The following PPL variants were observed in gnomAD, a reference collection of about 807,000 sequenced individuals.
PPL encodes periplakin.
PPL carries 198 observed loss-of-function variants against 194.4 expected under a neutral mutation model. That is an observed-to-expected ratio of 1.02 (90% CI 0.91 to 1.15). PPL has a LOEUF of 1.15. PPL is among the 50% of genes most tolerant of loss of function. The probability of loss-of-function intolerance (pLI) is 0.00; values close to 1 mark genes in which losing one functional copy is unlikely to be tolerated. For missense variants in PPL, 2,885 were observed against 2,294.8 expected, an observed-to-expected ratio of 1.26 and a Z score of -5.25; for synonymous variants, 1,220 against 972.4, an observed-to-expected ratio of 1.25 and a Z score of -4.74.
At chr16:4,895,000 A>T (rs1280299678) in intron 11 of PPL, among the ~76,000 whole-genome samples, 1 of 152,202 alleles carries the variant, frequency 6.6e-6, no homozygotes, top group Admixed American at 6.5e-5. Flanking sequence ...CACGTGACTC[A>T]CAGTGAGCCA....
At position 4,936,880 on chromosome 16, in the gene PPL, G is replaced by A. The variant is rs1019670291; in HGVS notation, c.62+104C>T. The A allele has an allele frequency of 1.2e-5, 14 of 1,189,260 alleles. No individual in the cohort carries two copies. The East Asian group carries it at 1.6e-4, about 13-fold the overall frequency. 73.7% of individuals were successfully genotyped at this position (1,189,260 alleles called of 1,614,324 possible). A position where few individuals can be genotyped will look rare whatever the true frequency, so the allele number is the denominator to read the frequency against. ...CTCCGGGTTCAGTTCCCGGTTCCTG[G>A]ACCCCCGTACCCCCCATTCCTACAC... is the stretch of plus-strand genomic sequence containing the variant. On this transcript the variant is annotated intron_variant, in intron 1 of 21. Coordinates refer to ENST00000345988, the MANE Select transcript of PPL (RefSeq NM_002705.5).
chr16:4,889,256 T>G (rs1218995828), intron 18 of PPL, among the ~76,000 whole-genome samples, 195 bp from the exon 19 acceptor site: 6 of 124,450 alleles, frequency 4.8e-5, no homozygotes, highest in Admixed American at 8.3e-5. Flanking sequence ...TTTTTTTTTT[T>G]TTTTTTTTTT....
chr16:4,888,328 G>C (rs963343656), intron 19 of PPL, 110 bp from the exon 20 acceptor site: 1 of 743,916 alleles, frequency 1.3e-6, no homozygotes, highest in African/African-American at 1.7e-5. Flanking sequence ...CCATGTGCTG[G>C]TTTTATAATC....
At position 4,884,890 on chromosome 16, in the gene PPL, G is replaced by A. The variant is rs775581780; in HGVS notation, c.3765C>T (p.Ile1255=). Residue 1255 remains isoleucine, a synonymous_variant, in exon 22 of 22, where the codon ATC becomes ATT. Transcript: ENST00000345988. This position sits in a 1 kb window ranked among gnomAD's most constrained non-coding sequence, Gnocchi z 5.7. ...TTTCGATCAGTCTGGTCTTGTCCACGATCTCCTCCCTGAGCCGCTGAAGCT... is the reference window on the plus strand; with the variant it reads ...TTTCGATCAGTCTGGTCTTGTCCACAATCTCCTCCCTGAGCCGCTGAAGCT... ...EKELQRLREE[I]VDKTRLIERC... is the part of the protein sequence containing the mutation. 13 of 1,613,978 alleles carry A rather than the reference G, an allele frequency of 8.1e-6. No individual in the cohort carries two copies. Among genetic ancestry groups the A allele is most frequent in the Non-Finnish European group, 2.5e-6 (3 of 1,180,024 alleles).
chr16:4,883,446 G>T lies in PPL; in HGVS notation c.5209C>A (p.Arg1737Ser), dbSNP rs768024930. ...SGRLTPAQYD[R>S]YVNKDMSIQE... ...ATGGACATATCCTTGTTGACATAGC[G>T]GTCATACTGAGCAGGGGTCAGCCTG... Residue 1737 changes from arginine to serine, a missense_variant, in exon 22 of 22, where the codon CGC becomes AGC. Transcript: ENST00000345988. This position sits in a 1 kb window ranked among gnomAD's most constrained non-coding sequence, Gnocchi z 4.8. 1.2e-6 allele frequency: 2 copies of T among 1,614,114 alleles called. No individual in the cohort carries two copies. Among genetic ancestry groups the T allele is most frequent in the Non-Finnish European group, 1.7e-6 (2 of 1,180,012 alleles).
intron 1 of PPL, among the ~76,000 whole-genome samples, chr16:4,911,358 C>T (rs2088817162): frequency 6.6e-6 from 1 of 152,012 alleles, no homozygotes; most frequent in African/African-American, 2.4e-5. Context: ...GATGGGGTTC[C>T]ACCATGTTGG....
chr16:4,883,916 C>A lies in PPL; in HGVS notation c.4739G>T (p.Arg1580Leu). Residue 1580 changes from arginine (R) to leucine (L), a missense_variant, in exon 22 of 22, where the codon CGA (arginine) becomes CTA (leucine). Arg to Leu is a moderately radical substitution (Grantham distance 102). Transcript: ENST00000345988. This position sits in a 1 kb window ranked among gnomAD's most constrained non-coding sequence, Gnocchi z 4.8. ...LERQNLQLET[R>L]RLQSEINMAA... ...CATGTTGATTTCCGATTGGAGCCTT[C>A]GGGTCTCCAGCTGCAGGTTTTGCCT... The A allele has an allele frequency of 6.2e-7, 1 of 1,613,948 alleles. No homozygotes were observed. Among genetic ancestry groups the A allele is most frequent in the South Asian group, 1.1e-5 (1 of 91,080 alleles).
Position 4,883,164 on chromosome 16 carries a change from A to G in PPL, c.*220T>C. 1.7e-6 allele frequency: 1 copy of G among 584,172 alleles called. No individual in the cohort carries two copies. The highest frequency in any genetic ancestry group is 3.0e-5 in the East Asian group (1 of 33,542). The allele number at this position is 584,172 out of a possible 1,614,324, so 36.2% of individuals were successfully genotyped here. A position where few individuals can be genotyped will look rare whatever the true frequency, so the allele number is the denominator to read the frequency against. ...GCAGTTGTCCAGTCATTGGAGGATGAAGTACGTCACTCAGGGTGAATGATG... is the reference window on the plus strand; with the variant it reads ...GCAGTTGTCCAGTCATTGGAGGATGGAGTACGTCACTCAGGGTGAATGATG... On this transcript the variant is annotated 3_prime_UTR_variant, in exon 22 of 22. Coordinates refer to ENST00000345988, the MANE Select transcript of PPL (RefSeq NM_002705.5). This position sits in a 1 kb window ranked among gnomAD's most constrained non-coding sequence, Gnocchi z 4.8.
At chr16:4,906,151 A>G (rs185859872) in intron 2 of PPL, among the ~76,000 whole-genome samples, 1 of 152,108 alleles carries the variant, frequency 6.6e-6, no homozygotes, top group African/African-American at 2.4e-5. Flanking sequence ...GCATCCCCCA[A>G]CCCTGGGGTA....
At chr16:4,923,515 TG>T (rs1050940967) in intron 1 of PPL, among the ~76,000 whole-genome samples, 8 of 152,232 alleles carry the variant, frequency 5.3e-5, no homozygotes, top group African/African-American at 1.9e-4. Flanking sequence ...GCTCCCTGGG[TG>T]GGGGTGGCTT....
intron 2 of PPL, among the ~76,000 whole-genome samples, chr16:4,907,801 G>T (rs549819690): frequency 3.3e-5 from 5 of 152,156 alleles, no homozygotes; most frequent in African/African-American, 1.2e-4. Flanking sequence ...ATAAGAAAAA[G>T]ATTGTGTGAT....
intron 15 of PPL, 24 bp downstream of exon 15, chr16:4,892,011 C>T (rs749539699): frequency 2.8e-5 from 45 of 1,611,642 alleles, no homozygotes; most frequent in Non-Finnish European, 3.5e-5. Context: ...ACCCCAACCT[C>T]CATGCTGCCT....
At chr16:4,901,883 T>C (rs1053133075) in intron 4 of PPL, among the ~76,000 whole-genome samples, 3 of 151,978 alleles carry the variant, frequency 2.0e-5, no homozygotes, top group Non-Finnish European at 4.4e-5. Context: ...GACGCTGCAG[T>C]GAGCCATGAT....
At chr16:4,921,377 C>A (rs1168446396) in intron 1 of PPL, among the ~76,000 whole-genome samples, 1 of 152,196 alleles carries the variant, frequency 6.6e-6, no homozygotes, top group Non-Finnish European at 1.5e-5. Context: ...AGCAGAGGAA[C>A]CACTAGGGAG....
Position 4,884,892 on chromosome 16 carries a change from TCTC to T in PPL, c.3760_3762del (p.Glu1254del). ...TCGATCAGTCTGGTCTTGTCCACGA[TCTC>T]CTCCCTGAGCCGCTGAAGCTCCTTC... On this transcript the variant is annotated inframe_deletion, in exon 22 of 22. Coordinates refer to ENST00000345988, the MANE Select transcript of PPL (RefSeq NM_002705.5). The surrounding 1 kb of genome is among the most constrained non-coding windows in gnomAD (Gnocchi z 5.7). 2 of 1,614,092 alleles carry T rather than the reference TCTC, an allele frequency of 1.2e-6. No individual in the cohort carries two copies. Among genetic ancestry groups the T allele is most frequent in the Non-Finnish European group, 1.7e-6 (2 of 1,180,010 alleles).
chr16:4,892,312 T>C, intron 14 of PPL, 99 bp from the exon 15 acceptor site: 1 of 1,303,900 alleles, frequency 7.7e-7, no homozygotes, highest in Non-Finnish European at 1.0e-6. Flanking sequence ...TCAGGCACAG[T>C]GGAAGCAGCT....
At position 4,885,548 on chromosome 16, in the gene PPL, T is replaced by C; in HGVS notation, c.3107A>G (p.Gln1036Arg). The C allele has an allele frequency of 2.5e-6, 4 of 1,610,672 alleles. No homozygotes were observed. Among genetic ancestry groups the C allele is most frequent in the East Asian group, 2.2e-5 (1 of 44,862 alleles). ...CTCTTCAGCCAGGGCGGCCACACGC[T>C]GCTGCAGGAGGAGCACCTCTGCCTC... Reference protein sequence around the residue: ...AREAEVLLLQQRVAALAEEKS... With the variant: ...AREAEVLLLQRRVAALAEEKS... Residue 1036 changes from glutamine (Q) to arginine (R), a missense_variant, in exon 22 of 22, where the codon CAG (glutamine) becomes CGG (arginine). Gln to Arg is a conservative substitution (Grantham distance 43). Transcript: ENST00000345988. The surrounding 1 kb of genome is among the most constrained non-coding windows in gnomAD (Gnocchi z 6.3).
At chr16:4,895,486 T>G (rs2088409034) in intron 10 of PPL, 79 bp from the exon 11 acceptor site, 7 of 1,602,844 alleles carry the variant, frequency 4.4e-6, no homozygotes, top group Non-Finnish European at 6.0e-6. Context: ...AGGGGCTGGA[T>G]TCAGCAGGTG....
intron 1 of PPL, among the ~76,000 whole-genome samples, chr16:4,923,922 C>A (rs745500655): frequency 6.6e-6 from 1 of 152,196 alleles, no homozygotes; most frequent in Admixed American, 6.5e-5. Context: ...ATGTCCGTAG[C>A]GCCCATCAGA....
Sources: gnomAD v4.1 joint callset for allele counts (sites outside exome capture counted in the v4.1 genomes callset) on GRCh38, gnomAD v4.1.1 for gene constraint, Gnocchi (gnomAD v3.1) non-coding constraint, MANE v1.5 for transcripts, NCBI Gene and HGNC (gene_info 2026-07-23, HGNC 2026-07-21) for gene names.